The following TENM2 variants were observed in gnomAD, a reference collection of about 807,000 sequenced individuals.
The protein encoded by TENM2 is teneurin transmembrane protein 2, also known as teneurin-2.
TENM2 carries 52 observed loss-of-function variants against 245.2 expected under a neutral mutation model. The observed-to-expected ratio is 0.21, with a 90% CI of 0.17 to 0.27. The LOEUF (loss-of-function observed/expected upper bound fraction) is 0.27. TENM2 is among the 10% of genes least tolerant of loss of function. The pLI, the probability that TENM2 is intolerant of heterozygous loss-of-function variation, is 1.00. For synonymous variants in TENM2, 1,363 were observed against 1,438.9 expected, an observed-to-expected ratio of 0.95 and a Z score of 1.19; for missense variants, 3,046 against 3,666.8, an observed-to-expected ratio of 0.83 and a Z score of 4.37.
chr5:167,496,709 G>T (rs1008804773), intron 2 of TENM2, among the ~76,000 whole-genome samples: 4 of 152,116 alleles, frequency 2.6e-5, no homozygotes, highest in Non-Finnish European at 4.4e-5. Flanking sequence ...TGTTAGCACA[G>T]ACCCTCCATT....
At chr5:167,719,551 A>C (rs1759486119) in intron 2 of TENM2, among the ~76,000 whole-genome samples, 1 of 152,264 alleles carries the variant, frequency 6.6e-6, no homozygotes, top group Non-Finnish European at 1.5e-5. Context: ...GAATGAGTGC[A>C]GAATGACAGG....
At chr5:167,867,073 GCATGTGTCAAGCAATTAGAA>G (rs1288142560) in intron 2 of TENM2, among the ~76,000 whole-genome samples, 2 of 152,162 alleles carry the variant, frequency 1.3e-5, no homozygotes, top group Admixed American at 6.5e-5. Flanking sequence ...TAATTAAGCT[GCATGTGTCAAGCAATTAGAA>G]CTTTCTGGTG....
intron 1 of TENM2, among the ~76,000 whole-genome samples, chr5:167,312,262 TTTAA>T (rs1756079621): frequency 6.6e-6 from 1 of 152,200 alleles, no homozygotes; most frequent in Non-Finnish European, 1.5e-5. Context: ...TAAACTATTA[TTTAA>T]AGAGTTTGTG....
chr5:167,971,504 C>A (rs753555421), intron 4 of TENM2, among the ~76,000 whole-genome samples: 2 of 152,042 alleles, frequency 1.3e-5, no homozygotes, highest in Non-Finnish European at 2.9e-5. Context: ...AGTTCAAGAC[C>A]AGCCTGACGA....
At chr5:168,014,761 A>T (rs1206704544) in intron 5 of TENM2, among the ~76,000 whole-genome samples, 1 of 152,208 alleles carries the variant, frequency 6.6e-6, no homozygotes, top group African/African-American at 2.4e-5. Context: ...AAATGACTTG[A>T]AAATGAGAGG....
chr5:167,665,500 G>A (rs1214320786), intron 2 of TENM2, among the ~76,000 whole-genome samples: 1 of 152,058 alleles, frequency 6.6e-6, no homozygotes, highest in Admixed American at 6.6e-5. Context: ...ATTCCAGTAT[G>A]TACTAAATAA....
At chr5:168,081,532 T>C (rs1303246393) in intron 7 of TENM2, among the ~76,000 whole-genome samples, 1 of 152,242 alleles carries the variant, frequency 6.6e-6, no homozygotes, top group Non-Finnish European at 1.5e-5. Flanking sequence ...GCATCGATGG[T>C]GTTTACAATT....
intron 2 of TENM2, among the ~76,000 whole-genome samples, chr5:167,443,119 T>C (rs1764962250): frequency 6.6e-6 from 1 of 152,222 alleles, no homozygotes; most frequent in Non-Finnish European, 1.5e-5. Context: ...TGATAAGGTT[T>C]ATTATTCTGT....
At chr5:167,712,234 A>G (rs775643830) in intron 2 of TENM2, among the ~76,000 whole-genome samples, 1 of 152,236 alleles carries the variant, frequency 6.6e-6, no homozygotes, top group African/African-American at 2.4e-5. Flanking sequence ...GGCAAAAGTC[A>G]TGAATATCTC....
At chr5:167,885,330 T>C (rs1486188674) in intron 3 of TENM2, among the ~76,000 whole-genome samples, 1 of 152,230 alleles carries the variant, frequency 6.6e-6, no homozygotes, top group East Asian at 1.9e-4. Flanking sequence ...TAAAGGCTTA[T>C]TCTATGGCAG....
intron 2 of TENM2, among the ~76,000 whole-genome samples, chr5:167,730,933 A>G (rs1230842576): frequency 2.6e-5 from 4 of 152,192 alleles, no homozygotes; most frequent in African/African-American, 9.7e-5. Flanking sequence ...AATACTTCTC[A>G]CAGTGAAATC....
chr5:168,020,833 T>A (rs1786079778), intron 5 of TENM2, among the ~76,000 whole-genome samples: 1 of 152,196 alleles, frequency 6.6e-6, no homozygotes, highest in Admixed American at 6.5e-5. Flanking sequence ...CAAACCAAAG[T>A]TAGAGCCGTT....
chr5:167,296,269 T>C (rs1754945336), intron 1 of TENM2: 1 of 152,148 alleles, frequency 6.6e-6, no homozygotes, highest in Non-Finnish European at 1.5e-5. Context: ...GCGGTCCCAG[T>C]GGGATACATT....
chr5:167,807,627 A>ATTTT (rs1561803848), intron 2 of TENM2, among the ~76,000 whole-genome samples: 14 of 26,796 alleles, frequency 5.2e-4, no homozygotes, highest in Admixed American at 1.2e-3. Context: ...TTTTTTTTAA[A>ATTTT]AAAAAAAAAA....
chr5:167,436,595 G>C (rs1252897503), intron 2 of TENM2, among the ~76,000 whole-genome samples: 1 of 152,150 alleles, frequency 6.6e-6, no homozygotes, highest in African/African-American at 2.4e-5. Context: ...AAGGCAACGG[G>C]GAAAGTGTCT....
chr5:167,500,753 A>G (rs1030379320), intron 2 of TENM2, among the ~76,000 whole-genome samples: 1 of 152,092 alleles, frequency 6.6e-6, no homozygotes, highest in Non-Finnish European at 1.5e-5. Context: ...GGATCCTCCA[A>G]AGGTGTGATG....
chr5:167,429,411 A>C (rs568452250), intron 2 of TENM2, among the ~76,000 whole-genome samples: 1 of 152,280 alleles, frequency 6.6e-6, no homozygotes, highest in South Asian at 2.1e-4. Context: ...GCCCTGCTAC[A>C]GGTGCTGCAG....
rs1341535939 is a variant in TENM2 at position 167,374,671 on chromosome 5, ACCTTAATCTGAT to A, written c.227-524_227-513del. 2.0e-5 allele frequency among the ~76,000 whole-genome samples: 3 copies of A among 152,064 alleles called. No homozygotes were observed. The East Asian group carries it at 5.8e-4, about 29-fold the overall frequency. On this transcript the variant is annotated intron_variant, in intron 1 of 28. Coordinates refer to ENST00000518659, the Ensembl canonical transcript of TENM2. ...AGAGGGTTAACGCTGTATGACCTGA[ACCTTAATCTGAT>A]CCCTGCGGAGGGATCAGATCCAGGT...
At chr5:167,234,535 T>G in the TENM2 span, among the ~76,000 whole-genome samples, 2 of 152,206 alleles carry the variant, frequency 1.3e-5, no homozygotes, top group African/African-American at 4.8e-5. Context: ...AACCCATTTC[T>G]TAGAAGCCAG....
Sources: gnomAD v4.1 joint callset for allele counts (sites outside exome capture counted in the v4.1 genomes callset) on GRCh38, gnomAD v4.1.1 for gene constraint, MANE v1.5 for transcripts, NCBI Gene and HGNC (gene_info 2026-07-23, HGNC 2026-07-21) for gene names.